The following EIF4A2 variants were observed in gnomAD, a reference collection of about 807,000 sequenced individuals.
The protein encoded by EIF4A2 is eukaryotic translation initiation factor 4A2, also known as eukaryotic initiation factor 4A-II.
A neutral mutation model predicts 50.6 loss-of-function variants in EIF4A2; 9 were observed. The ratio of observed to expected loss-of-function variants is 0.18; its 90% CI spans 0.11 to 0.31. The LOEUF (loss-of-function observed/expected upper bound fraction) is 0.31, where lower values mean the gene tolerates loss of function less well. EIF4A2 is among the 10% of genes least tolerant of loss of function. The pLI, the probability that EIF4A2 is intolerant of heterozygous loss-of-function variation, is 1.00. For synonymous variants in EIF4A2, 215 were observed against 164.4 expected (o/e 1.31, Z -2.35); for missense variants, 182 against 501.8 (o/e 0.36, Z 6.09).
chr3:186,784,811 A>T (rs1422057915), intron 3 of EIF4A2, 115 bp downstream of exon 3: 2 of 1,599,178 alleles, frequency 1.3e-6, no homozygotes, highest in Non-Finnish European at 1.7e-6. Flanking sequence ...AAATGATGGC[A>T]ATCATCTTTC....
At chr3:186,785,172 T>A in intron 4 of EIF4A2, 71 bp downstream of exon 4, 4 of 1,585,960 alleles carry the variant, frequency 2.5e-6, no homozygotes, top group Non-Finnish European at 3.4e-6. Context: ...CTGTGAAGAA[T>A]TTAAAACTTA....
rs371736580 is a variant in EIF4A2 at position 186,785,854 on chromosome 3, C to A, written c.349-29C>A. The A allele has an allele frequency of 2.5e-6, 4 of 1,575,830 alleles. No homozygotes were observed. The African/African-American group carries it at 5.4e-5, about 21-fold the overall frequency. ...ATTAGTCATTGATCCTGGAGTTCTG[C>A]GGAATAATAATTAAGGCTTGGGTTT... On this transcript the variant is annotated intron_variant, in intron 4 of 10. Transcript: ENST00000323963.
chr3:186,787,703 G>T, intron 9 of EIF4A2, 100 bp from the exon 10 acceptor site: 2 of 1,581,280 alleles, frequency 1.3e-6, no homozygotes, highest in Non-Finnish European at 1.7e-6. Flanking sequence ...ACTCCACAGT[G>T]GGCTATACCA....
intron 3 of EIF4A2, 95 bp from the exon 4 acceptor site, chr3:186,784,867 T>G (rs1484413305): frequency 6.2e-7 from 1 of 1,605,078 alleles, no homozygotes; most frequent in Non-Finnish European, 8.5e-7. Flanking sequence ...GATCACTTGA[T>G]TATTTGGGCA....
At chr3:186,786,847 A>G (rs367623414) in intron 7 of EIF4A2, 6 of 893,324 alleles carry the variant, frequency 6.7e-6, no homozygotes, top group African/African-American at 3.3e-5. Context: ...ATTTGGTGCA[A>G]TATCTCATTA....
At chr3:186,785,713 G>A in intron 4 of EIF4A2, 170 bp from the exon 5 acceptor site, 1 of 775,298 alleles carries the variant, frequency 1.3e-6, no homozygotes, top group Non-Finnish European at 2.0e-6. Context: ...GACATTAAGG[G>A]AATTTTACCT....
chr3:186,787,007 G>A (rs1721768928), intron 7 of EIF4A2, 120 bp from the exon 8 acceptor site: 1 of 1,415,850 alleles, frequency 7.1e-7, no homozygotes, highest in African/African-American at 1.4e-5. Flanking sequence ...GGCTCTAAGT[G>A]CTAGGATCCC....
At chr3:186,786,912 T>C (rs376501192) in intron 7 of EIF4A2, 134 of 886,766 alleles carry the variant, frequency 1.5e-4, no homozygotes, top group Non-Finnish European at 2.3e-4. Context: ...GACTGGGTTA[T>C]GAGACTGGCT....
chr3:186,789,254 G>C lies in EIF4A2; in HGVS notation c.1209G>C (p.Val403=), dbSNP rs759949872. Residue 403 remains valine (V), a synonymous_variant, in exon 11 of 11, where the codon GTG becomes GTC. Coordinates refer to ENST00000323963, the MANE Select transcript of EIF4A2 (RefSeq NM_001967.4). ...CAGTGGAGGAGATGCCCATGAATGT[G>C]GCTGACCTTATTTAATTCCTGGGAT... The part of the protein sequence containing the change: ...NTTVEEMPMN[V]ADLI 1.2e-6 allele frequency: 2 copies of C among 1,608,070 alleles called. No homozygotes were observed. Among genetic ancestry groups the C allele is most frequent in the South Asian group, 1.1e-5 (1 of 90,354 alleles).
At chr3:186,786,366 T>TC (rs34071953) in intron 6 of EIF4A2, 93 bp downstream of exon 6, 2 of 1,510,760 alleles carry the variant, frequency 1.3e-6, no homozygotes, top group Non-Finnish European at 9.0e-7. Flanking sequence ...TTGTTGTCGT[T>TC]CCCCCTGCTT....
intron 1 of EIF4A2, 163 bp from the exon 2 acceptor site, chr3:186,784,269 A>G: frequency 1.9e-6 from 2 of 1,038,408 alleles, no homozygotes; most frequent in Non-Finnish European, 2.8e-6. Flanking sequence ...GCAGGCCCCA[A>G]CCTTTAGGGA....
intron 7 of EIF4A2, 40 bp from the exon 8 acceptor site, chr3:186,787,087 A>AC (rs1261611567): frequency 3.1e-6 from 5 of 1,609,914 alleles, no homozygotes; most frequent in Non-Finnish European, 4.2e-6. Flanking sequence ...AGAGTTGGAA[A>AC]AACTAAATGA....
intron 1 of EIF4A2, 161 bp downstream of exon 1, chr3:186,783,800 C>T (rs1721511396): frequency 8.6e-7 from 1 of 1,162,958 alleles, no homozygotes. Flanking sequence ...GGGTAGGGCC[C>T]GGATTGTGGG....
chr3:186,784,468 T>C lies in EIF4A2; in HGVS notation c.66T>C (p.Gly22=), dbSNP rs1579155926. Residue 22 remains glycine (G), a synonymous_variant, in exon 2 of 11, where the codon GGT becomes GGC. Transcript: ENST00000323963. ...HGGPEGMDPD[G]VIESNWNEIV... ...GCCCAGAGGGAATGGACCCCGATGG[T>C]GTCATCGAGGTAAGAAACGGTTGTG... 4 of 1,614,208 alleles carry C rather than the reference T, an allele frequency of 2.5e-6. No individual in the cohort carries two copies. The South Asian group carries it at 3.3e-5, about 13-fold the overall frequency.
chr3:186,787,366 G>C (rs1483044025), intron 8 of EIF4A2, 102 bp downstream of exon 8: 1 of 1,611,494 alleles, frequency 6.2e-7, no homozygotes, highest in Non-Finnish European at 8.5e-7. Context: ...TTAAAATAAA[G>C]TTGTTTCTTA....
Position 186,789,807 on chromosome 3 carries a change from C to G in EIF4A2, c.*538C>G. The G allele has an allele frequency of 1.7e-6, 1 of 600,036 alleles. No individual in the cohort carries two copies. Among genetic ancestry groups the G allele is most frequent in the Non-Finnish European group, 2.9e-6 (1 of 342,262 alleles). 37.2% of individuals were successfully genotyped at this position (600,036 alleles called of 1,614,324 possible). ...CTGTTGCTAAGCCCCAGCAAGCAAT[C>G]CTAGGTAGGGTTTAATCCCCAGTAA... On this transcript the variant is annotated 3_prime_UTR_variant, in exon 11 of 11. Transcript: ENST00000323963.
rs1560082623 is a variant in EIF4A2, at chr3:186,783,595, AGTGGTTTTT to A, written c.-15_-7del. The stretch of plus-strand genomic sequence containing the variant: ...CCGCTGTCTTTTCAGTCGGGCGCTG[AGTGGTTTTT>A]CGGATCATGTCTGGTGGCTCCGCGG... On this transcript the variant is annotated 5_prime_UTR_variant, in exon 1 of 11. Coordinates refer to ENST00000323963, the MANE Select transcript of EIF4A2 (RefSeq NM_001967.4). 1 of 1,614,056 alleles carries A rather than the reference AGTGGTTTTT, an allele frequency of 6.2e-7. No individual in the cohort carries two copies. The highest frequency in any genetic ancestry group is 8.5e-7 in the Non-Finnish European group (1 of 1,180,004).
In EIF4A2 at chr3:186,789,785, T is replaced by C; in HGVS notation, c.*516T>C. ...AGTGCTAAGTGTGAACTGGACCCTGTTGCTAAGCCCCAGCAAGCAATCCTA... is the reference window on the plus strand; with the variant it reads ...AGTGCTAAGTGTGAACTGGACCCTGCTGCTAAGCCCCAGCAAGCAATCCTA... On this transcript the variant is annotated 3_prime_UTR_variant, in exon 11 of 11. Coordinates refer to ENST00000323963, the MANE Select transcript of EIF4A2 (RefSeq NM_001967.4). 2 of 570,890 alleles carry C rather than the reference T, an allele frequency of 3.5e-6. No individual in the cohort carries two copies. Among genetic ancestry groups the C allele is most frequent in the East Asian group, 2.9e-5 (1 of 34,544 alleles). The allele number at this position is 570,890 out of a possible 1,614,324, so 35.4% of individuals were successfully genotyped here. A position where few individuals can be genotyped will look rare whatever the true frequency, so the allele number is the denominator to read the frequency against.
chr3:186,783,773 C>T (rs1488115012), intron 1 of EIF4A2, 134 bp downstream of exon 1: 5 of 1,387,038 alleles, frequency 3.6e-6, no homozygotes, highest in East Asian at 4.6e-5. Flanking sequence ...CTGTGCCCTT[C>T]CAGAAGCTTC....
Sources: gnomAD v4.1 joint callset for allele counts on GRCh38, gnomAD v4.1.1 for gene constraint, MANE v1.5 for transcripts, NCBI Gene and HGNC (gene_info 2026-07-23, HGNC 2026-07-21) for gene names.